The following ELOVL5 variants were observed in gnomAD, a reference collection of about 807,000 sequenced individuals.
The protein encoded by ELOVL5 is very long chain fatty acid elongase 5.
A neutral mutation model predicts 38.6 loss-of-function variants in ELOVL5; 8 were observed. The observed-to-expected ratio is 0.21, with a 90% CI of 0.12 to 0.37. The LOEUF is 0.37. Ranked by LOEUF, ELOVL5 falls within the 10% of genes least tolerant of loss-of-function variation. The pLI is 1.00. For missense variants in ELOVL5, 280 were observed against 367.8 expected (o/e 0.76, Z 1.95); for synonymous variants, 127 against 133.7 (o/e 0.95, Z 0.34).
chr6:53,314,445 G>C (rs1041641743), intron 1 of ELOVL5, among the ~76,000 whole-genome samples: 2 of 152,190 alleles, frequency 1.3e-5, no homozygotes, highest in African/African-American at 4.8e-5. Context: ...TTCCTGTATA[G>C]AAATTATAGA....
At chr6:53,270,126 C>T (rs1331742514) in intron 7 of ELOVL5, among the ~76,000 whole-genome samples, 1 of 152,200 alleles carries the variant, frequency 6.6e-6, no homozygotes, top group Non-Finnish European at 1.5e-5. Flanking sequence ...TACATCACCA[C>T]ATCATATGCT....
chr6:53,324,098 C>T (rs1768409964), intron 1 of ELOVL5, among the ~76,000 whole-genome samples: 1 of 151,052 alleles, frequency 6.6e-6, no homozygotes, highest in Non-Finnish European at 1.5e-5. Flanking sequence ...ATTAAAAATA[C>T]AAAAACTAGC....
chr6:53,306,076 C>T (rs1271617258), intron 1 of ELOVL5, among the ~76,000 whole-genome samples: 16 of 151,150 alleles, frequency 1.1e-4, no homozygotes, highest in Admixed American at 5.9e-4. Context: ...TGGCGGCGCG[C>T]GCCTGCAATT....
At chr6:53,339,274 A>C (rs185235798) in intron 1 of ELOVL5, among the ~76,000 whole-genome samples, 79 of 152,328 alleles carry the variant, frequency 5.2e-4, no homozygotes, top group Middle Eastern at 3.4e-3. Context: ...AAGCCACCCC[A>C]TGAATTTTGT....
At chr6:53,297,131 C>T (rs867699938) in intron 1 of ELOVL5, among the ~76,000 whole-genome samples, 1 of 151,994 alleles carries the variant, frequency 6.6e-6, no homozygotes, top group Non-Finnish European at 1.5e-5. Context: ...TGGCTGGAAA[C>T]GAAGGCACCA....
chr6:53,297,220 C>T (rs1295194393), intron 1 of ELOVL5, among the ~76,000 whole-genome samples: 1 of 152,096 alleles, frequency 6.6e-6, no homozygotes, highest in African/African-American at 2.4e-5. Context: ...CCACCTTTGC[C>T]CCTCAATAGT....
intron 6 of ELOVL5, among the ~76,000 whole-genome samples, chr6:53,271,667 C>T (rs1180334750): frequency 1.3e-5 from 2 of 152,140 alleles, no homozygotes; most frequent in African/African-American, 4.8e-5. Context: ...CTATGTTGCC[C>T]AGGGTGGCCT....
At chr6:53,293,631 G>A (rs780396105) in intron 2 of ELOVL5, among the ~76,000 whole-genome samples, 1 of 151,996 alleles carries the variant, frequency 6.6e-6, no homozygotes, top group Non-Finnish European at 1.5e-5. Context: ...CCCTTTCTTT[G>A]ACCCCTCCCA....
At chr6:53,291,706 G>A in intron 3 of ELOVL5, 70 bp downstream of exon 3, 3 of 1,320,622 alleles carry the variant, frequency 2.3e-6, no homozygotes, top group Admixed American at 2.3e-5. Context: ...TCCTCATTTA[G>A]GAATACAATT....
intron 3 of ELOVL5, among the ~76,000 whole-genome samples, chr6:53,284,289 G>C (rs910636190): frequency 4.2e-5 from 6 of 141,824 alleles, no homozygotes; most frequent in African/African-American, 1.7e-4. Context: ...CTGGGCAACA[G>C]AGCAAGACCA....
intron 1 of ELOVL5, among the ~76,000 whole-genome samples, chr6:53,305,985 C>G (rs1285681398): frequency 6.6e-6 from 1 of 151,804 alleles, no homozygotes; most frequent in African/African-American, 2.4e-5. Flanking sequence ...GCGGATCACT[C>G]GCGGTTAGGA....
At chr6:53,294,835 C>T (rs1766929054) in intron 2 of ELOVL5, among the ~76,000 whole-genome samples, 1 of 152,176 alleles carries the variant, frequency 6.6e-6, no homozygotes, top group Non-Finnish European at 1.5e-5. Context: ...CTAATCAAGG[C>T]TAGCCACAGG....
At chr6:53,339,999 C>G (rs973964192) in intron 1 of ELOVL5, among the ~76,000 whole-genome samples, 2 of 152,018 alleles carry the variant, frequency 1.3e-5, no homozygotes, top group South Asian at 4.1e-4. Flanking sequence ...TGCCCCTGTA[C>G]AGACCTAGGC....
At chr6:53,325,741 T>C (rs1768515401) in intron 1 of ELOVL5, among the ~76,000 whole-genome samples, 1 of 152,228 alleles carries the variant, frequency 6.6e-6, no homozygotes, top group African/African-American at 2.4e-5. Flanking sequence ...ACTCAAGAAG[T>C]GGAGGCAGGA....
At chr6:53,281,889 G>A (rs1162313227) in intron 3 of ELOVL5, among the ~76,000 whole-genome samples, 1 of 150,626 alleles carries the variant, frequency 6.6e-6, no homozygotes, top group Non-Finnish European at 1.5e-5. Context: ...TAACACTCTT[G>A]GCTAAGTTAA....
In ELOVL5 at chr6:53,291,960, G is replaced by A. The variant is rs909500917; in HGVS notation, c.62C>T (p.Thr21Ile). The A allele has an allele frequency of 1.2e-5, 18 of 1,494,968 alleles. No individual in the cohort carries two copies. Among genetic ancestry groups the A allele is most frequent in the Non-Finnish European group, 1.5e-5 (17 of 1,114,828 alleles). The allele number at this position is 1,494,968 out of a possible 1,614,324, so 92.6% of individuals were successfully genotyped here. Residue 21 changes from threonine to isoleucine, a missense_variant, in exon 3 of 8, where the codon ACT (threonine) becomes ATT (isoleucine). Coordinates refer to ENST00000304434, the MANE Select transcript of ELOVL5 (RefSeq NM_021814.5). ...YFKALLGPRD[T>I]RVKGWFLLDN... The stretch of plus-strand genomic sequence containing the variant: ...CAGAAGAAACCATCCTTTTACTCTA[G>A]TATCTGAAAAATTAAAAAAAATTAA...
intron 1 of ELOVL5, among the ~76,000 whole-genome samples, chr6:53,313,582 G>T (rs1395144241): frequency 2.0e-5 from 3 of 151,974 alleles, no homozygotes; most frequent in African/African-American, 7.3e-5. Context: ...GGCTGGTCTT[G>T]AACTCCTGGG....
At chr6:53,315,357 G>A (rs1767986210) in intron 1 of ELOVL5, among the ~76,000 whole-genome samples, 1 of 152,102 alleles carries the variant, frequency 6.6e-6, no homozygotes, top group Non-Finnish European at 1.5e-5. Context: ...TGGGGGTTAG[G>A]GTTTCAAAAT....
chr6:53,291,838 G>A lies in ELOVL5; in HGVS notation c.184C>T (p.Arg62Trp), dbSNP rs553124687. ...YMRNKQPFSC[R>W]GILVVYNLGL... ...AGGTTATACACCACTAAAATCCCCC[G>A]GCAAGAGAATGGCTGTTTATTCCTC... Residue 62 changes from arginine (R) to tryptophan (W), a missense_variant, in exon 3 of 8, where the codon CGG becomes TGG. Physicochemically the swap from Arg to Trp is moderately radical, Grantham distance 101. Around this residue, in one of 3 missense-constraint regions of ELOVL5, gnomAD observed 150 missense variants for 178.0 expected, o/e 0.84. Transcript: ENST00000304434. The A allele has an allele frequency of 1.4e-5, 22 of 1,613,740 alleles. No individual in the cohort carries two copies. Among genetic ancestry groups the A allele is most frequent in the Middle Eastern group, 1.6e-4 (1 of 6,082 alleles).
Sources: allele counts gnomAD v4.1 joint callset (sites outside exome capture counted in the v4.1 genomes callset), GRCh38; gene constraint gnomAD v4.1.1; regional missense constraint gnomAD v4.1.1; transcripts MANE v1.5; gene names NCBI Gene and HGNC (gene_info 2026-07-23, HGNC 2026-07-21).